COLEC10: variants seen among roughly 807,000 people sequenced by gnomAD.
The protein encoded by COLEC10 is collectin-10.
In COLEC10, 22 loss-of-function variants were observed where a neutral mutation model predicts 28.4. That is an observed-to-expected ratio of 0.78 (90% CI 0.55 to 1.11). The LOEUF is 1.11. Among genes scored for constraint, COLEC10 ranks in the 50% least tolerant of loss-of-function variants. COLEC10 has a pLI of 0.00. For missense variants in COLEC10, 361 were observed against 344.1 expected, an observed-to-expected ratio of 1.05 and a Z score of -0.39; for synonymous variants, 125 against 116.1, an observed-to-expected ratio of 1.08 and a Z score of -0.49.
the COLEC10 span, among the ~76,000 whole-genome samples, chr8:118,956,655 A>C: frequency 6.6e-6 from 1 of 152,314 alleles, no homozygotes; most frequent in East Asian, 1.9e-4. Context: ...CATATTTCAA[A>C]TAACTACTCA....
At chr8:118,979,891 T>C in the COLEC10 span, among the ~76,000 whole-genome samples, 1 of 152,108 alleles carries the variant, frequency 6.6e-6, no homozygotes, top group African/African-American at 2.4e-5. Flanking sequence ...TTAAGCTCAC[T>C]CACATGAGTG....
At chr8:119,032,993 G>T (rs1814318833) in intron 2 of COLEC10, among the ~76,000 whole-genome samples, 1 of 152,150 alleles carries the variant, frequency 6.6e-6, no homozygotes, top group Admixed American at 6.5e-5. Context: ...TTTTTTTGAT[G>T]TGCTCTCTCG....
chr8:119,084,823 G>A (rs1325657165), intron 1 of COLEC10, among the ~76,000 whole-genome samples: 1 of 152,078 alleles, frequency 6.6e-6, no homozygotes, highest in African/African-American at 2.4e-5. Context: ...TCTCAGTAAT[G>A]GGTTTTTATC....
chr8:118,994,955 A>C (rs900104892), upstream of COLEC10, among the ~76,000 whole-genome samples: 1 of 152,182 alleles, frequency 6.6e-6, no homozygotes, highest in Non-Finnish European at 1.5e-5. Flanking sequence ...AATACTTATT[A>C]AGGATGTGTT....
the COLEC10 span, among the ~76,000 whole-genome samples, chr8:118,955,767 G>A: frequency 6.6e-6 from 1 of 152,192 alleles, no homozygotes; most frequent in African/African-American, 2.4e-5. Context: ...GGGATTTCAA[G>A]GAACTAGAAA....
intron 1 of COLEC10, among the ~76,000 whole-genome samples, chr8:119,006,437 A>C (rs1813799065): frequency 6.6e-6 from 1 of 152,046 alleles, no homozygotes; most frequent in African/African-American, 2.4e-5. Context: ...TCACTTTCTA[A>C]ATAAACTACC....
At chr8:119,067,551 T>C (rs1814995998) in intron 1 of COLEC10, 122 bp downstream of exon 1, 1 of 940,648 alleles carries the variant, frequency 1.1e-6, no homozygotes, top group Non-Finnish European at 1.6e-6. Context: ...CCCATTTTCC[T>C]TCTATTTTGG....
chr8:119,064,463 A>C (rs16891935), upstream of COLEC10, among the ~76,000 whole-genome samples: 14,991 of 152,228 alleles, frequency 0.098, 1,032 homozygotes, highest in East Asian at 0.25. Context: ...AGGGTAGTCT[A>C]AACAATTTAA....
chr8:119,056,706 A>G (rs978293553), intron 2 of COLEC10, among the ~76,000 whole-genome samples: 7 of 152,026 alleles, frequency 4.6e-5, no homozygotes, highest in African/African-American at 1.4e-4. Flanking sequence ...CATGAAGCCA[A>G]TGAAGTTGTA....
At chr8:118,986,084 T>C in the COLEC10 span, among the ~76,000 whole-genome samples, 1 of 152,096 alleles carries the variant, frequency 6.6e-6, no homozygotes, top group African/African-American at 2.4e-5. Context: ...CACCAAAAGT[T>C]GGGGAAATCT....
At chr8:119,055,850 CTG>C (rs1814751050) in intron 2 of COLEC10, among the ~76,000 whole-genome samples, 2 of 152,006 alleles carry the variant, frequency 1.3e-5, no homozygotes, top group African/African-American at 4.8e-5. Context: ...AATACCTTGA[CTG>C]TTTTTTTCTT....
rs774598900 is a variant in COLEC10 at position 119,067,260 on chromosome 8, C to G, written c.-22C>G. On this transcript the variant is annotated 5_prime_UTR_variant, in exon 1 of 6. Transcript: ENST00000332843. ...TGTTTATTTGGCATTTCTGGGAGAC[C>G]CTTTTCTGAGGAACCACAGCAATGA... 1 of 1,611,394 alleles carries G rather than the reference C, an allele frequency of 6.2e-7. No individual in the cohort carries two copies. Among genetic ancestry groups the G allele is most frequent in the South Asian group, 1.1e-5 (1 of 90,436 alleles).
upstream of COLEC10, chr8:119,067,195 C>G (rs537841926): frequency 7.2e-4 from 994 of 1,387,822 alleles, 13 homozygotes; most frequent in South Asian, 0.012. Flanking sequence ...AAATACTTCC[C>G]CTTCTTCCCC....
At chr8:119,102,880 G>A (rs140432709) in intron 4 of COLEC10, among the ~76,000 whole-genome samples, 1 of 152,228 alleles carries the variant, frequency 6.6e-6, no homozygotes, top group African/African-American at 2.4e-5. Context: ...GCTTTACACA[G>A]GGAAAGAAAG....
intron 2 of COLEC10, among the ~76,000 whole-genome samples, chr8:119,048,196 T>C (rs1814616742): frequency 6.6e-6 from 1 of 152,214 alleles, no homozygotes; most frequent in Non-Finnish European, 1.5e-5. Context: ...TGTTTATGTC[T>C]GTGCCTGATC....
the COLEC10 span, among the ~76,000 whole-genome samples, chr8:118,984,633 T>C: frequency 1.3e-5 from 2 of 152,048 alleles, no homozygotes; most frequent in African/African-American, 2.4e-5. Context: ...AAGCACCGTG[T>C]GATGATAGAG....
chr8:118,985,086 G>A, the COLEC10 span, among the ~76,000 whole-genome samples: 2 of 152,074 alleles, frequency 1.3e-5, no homozygotes, highest in African/African-American at 4.8e-5. Context: ...GGGACACAGA[G>A]CCAAACCATG....
chr8:119,027,849 A>G (rs1336401208), intron 2 of COLEC10, among the ~76,000 whole-genome samples: 1 of 152,184 alleles, frequency 6.6e-6, no homozygotes, highest in Non-Finnish European at 1.5e-5. Flanking sequence ...TTCTATTCAA[A>G]TTTTGGCTAA....
At chr8:119,104,235 T>C (rs1425501824) in intron 5 of COLEC10, among the ~76,000 whole-genome samples, 1 of 152,006 alleles carries the variant, frequency 6.6e-6, no homozygotes, top group Non-Finnish European at 1.5e-5. Flanking sequence ...AAAATAGAGG[T>C]AATAATAACA....
Sources: gnomAD v4.1 joint callset for allele counts (sites outside exome capture counted in the v4.1 genomes callset) on GRCh38, gnomAD v4.1.1 for gene constraint, MANE v1.5 for transcripts, NCBI Gene and HGNC (gene_info 2026-07-23, HGNC 2026-07-21) for gene names.